HIBADH: variants seen among roughly 807,000 people sequenced by gnomAD.
HIBADH encodes 3-hydroxyisobutyrate dehydrogenase, mitochondrial.
In HIBADH, 25 loss-of-function variants were observed where a neutral mutation model predicts 36.1. The ratio of observed to expected loss-of-function variants is 0.69; its 90% CI spans 0.50 to 0.97. The LOEUF (loss-of-function observed/expected upper bound fraction) is 0.97, where lower values mean the gene tolerates loss of function less well. HIBADH is among the 50% of genes least tolerant of loss of function. The pLI, the probability that HIBADH is intolerant of heterozygous loss-of-function variation, is 0.00. For synonymous variants in HIBADH, 160 were observed against 149.5 expected, an observed-to-expected ratio of 1.07 and a Z score of -0.51; for missense variants, 421 against 418.0, an observed-to-expected ratio of 1.01 and a Z score of -0.06.
chr7:27,658,619 T>C (rs1445000536), intron 1 of HIBADH, among the ~76,000 whole-genome samples: 3 of 152,204 alleles, frequency 2.0e-5, no homozygotes, highest in Non-Finnish European at 4.4e-5. Context: ...TGCATTTTCA[T>C]TGTAGAAAAC....
intron 4 of HIBADH, 93 bp downstream of exon 4, chr7:27,629,278 A>G: frequency 2.4e-6 from 3 of 1,241,380 alleles, no homozygotes; most frequent in Non-Finnish European, 3.3e-6. Flanking sequence ...AAGTCTAAAA[A>G]TAACTACTAC....
intron 4 of HIBADH, among the ~76,000 whole-genome samples, chr7:27,588,756 A>C (rs1784899673): frequency 6.6e-6 from 1 of 152,186 alleles, no homozygotes; most frequent in African/African-American, 2.4e-5. Context: ...AGCAATCAAT[A>C]CTCTAAAAGC....
At chr7:27,545,920 A>T (rs1168716246) in intron 4 of HIBADH, among the ~76,000 whole-genome samples, 1 of 152,200 alleles carries the variant, frequency 6.6e-6, no homozygotes, top group Non-Finnish European at 1.5e-5. Context: ...GCTGATAAAT[A>T]GCATGGTAGA....
intron 6 of HIBADH, among the ~76,000 whole-genome samples, chr7:27,533,791 G>A (rs1000873776): frequency 2.0e-5 from 3 of 152,152 alleles, no homozygotes; most frequent in Non-Finnish European, 2.9e-5. Flanking sequence ...AAGTTTAATA[G>A]GAAGCAGCTA....
chr7:27,649,766 T>C, intron 1 of HIBADH, 133 bp from the exon 2 acceptor site: 1 of 727,134 alleles, frequency 1.4e-6, no homozygotes, highest in Non-Finnish European at 2.1e-6. Context: ...GGTGCAGTGG[T>C]GCACACCTAT....
intron 2 of HIBADH, among the ~76,000 whole-genome samples, chr7:27,642,740 CT>C (rs1562656087): frequency 1.4e-5 from 2 of 147,750 alleles, no homozygotes. Flanking sequence ...CAAGCTCCGC[CT>C]CCCGGGTTCA....
intron 4 of HIBADH, among the ~76,000 whole-genome samples, chr7:27,611,913 A>G (rs1257720030): frequency 6.6e-6 from 1 of 152,184 alleles, no homozygotes; most frequent in Non-Finnish European, 1.5e-5. Flanking sequence ...CTGCTTAAAT[A>G]TCACTTCCCC....
At chr7:27,646,473 CCA>C (rs1005251979) in intron 2 of HIBADH, among the ~76,000 whole-genome samples, 1 of 152,102 alleles carries the variant, frequency 6.6e-6, no homozygotes, top group African/African-American at 2.4e-5. Context: ...ATGCCTGAAA[CCA>C]CAGACAGTAC....
chr7:27,629,841 T>C (rs1223539654), intron 3 of HIBADH, among the ~76,000 whole-genome samples: 1 of 152,132 alleles, frequency 6.6e-6, no homozygotes, highest in Non-Finnish European at 1.5e-5. Flanking sequence ...TTTAAAAGGG[T>C]ATTAGATAGG....
chr7:27,541,659 T>C, intron 5 of HIBADH: 2 of 374,434 alleles, frequency 5.3e-6, no homozygotes, highest in South Asian at 4.1e-5. Context: ...TTTCTTGTAA[T>C]GTCATGACTT....
At chr7:27,563,826 C>T (rs1453872201) in intron 4 of HIBADH, among the ~76,000 whole-genome samples, 1 of 151,594 alleles carries the variant, frequency 6.6e-6, no homozygotes. Flanking sequence ...TAGTTTGCAA[C>T]ATTTCTCTTA....
intron 4 of HIBADH, among the ~76,000 whole-genome samples, chr7:27,564,537 A>C (rs1333236105): frequency 6.6e-6 from 1 of 152,210 alleles, no homozygotes; most frequent in Non-Finnish European, 1.5e-5. Context: ...TCTTTCACTA[A>C]TACCACATTT....
chr7:27,590,683 C>A (rs1319750652), intron 4 of HIBADH, among the ~76,000 whole-genome samples: 1 of 152,186 alleles, frequency 6.6e-6, no homozygotes, highest in African/African-American at 2.4e-5. Context: ...GTAAAGCATT[C>A]TGAAGGTATC....
chr7:27,651,000 G>C (rs1368402324), intron 1 of HIBADH, among the ~76,000 whole-genome samples: 1 of 152,156 alleles, frequency 6.6e-6, no homozygotes, highest in Non-Finnish European at 1.5e-5. Flanking sequence ...AGTCTAGTGA[G>C]GGAAAAGAGA....
intron 4 of HIBADH, among the ~76,000 whole-genome samples, chr7:27,574,605 G>T (rs1446947621): frequency 6.6e-6 from 1 of 152,024 alleles, no homozygotes; most frequent in African/African-American, 2.4e-5. Flanking sequence ...TATTATTGCT[G>T]CTCTAATAGA....
chr7:27,614,639 G>A (rs968550915), intron 4 of HIBADH, among the ~76,000 whole-genome samples: 1 of 152,142 alleles, frequency 6.6e-6, no homozygotes, highest in Non-Finnish European at 1.5e-5. Context: ...TACTATCATT[G>A]TTGCTATATA....
At chr7:27,620,057 A>G (rs1785509769) in intron 4 of HIBADH, among the ~76,000 whole-genome samples, 1 of 152,012 alleles carries the variant, frequency 6.6e-6, no homozygotes, top group Non-Finnish European at 1.5e-5. Flanking sequence ...ATGGTAGCTC[A>G]CTCCTGTAAT....
In HIBADH at chr7:27,526,109, C is replaced by T; in HGVS notation, c.*105G>A. On this transcript the variant is annotated 3_prime_UTR_variant, in exon 8 of 8. Coordinates refer to ENST00000265395, the MANE Select transcript of HIBADH (RefSeq NM_152740.4). Reference sequence around the variant, plus strand: ...TTACTGTGACCTAGACAATCAAAAGCAGATAGGTGACCTTTGATTAAATCC... The same window carrying T: ...TTACTGTGACCTAGACAATCAAAAGTAGATAGGTGACCTTTGATTAAATCC... 1 of 907,746 alleles carries T rather than the reference C, an allele frequency of 1.1e-6. No homozygotes were observed. The highest frequency in any genetic ancestry group is 1.6e-6 in the Non-Finnish European group (1 of 642,504). 56.2% of individuals were successfully genotyped at this position (907,746 alleles called of 1,614,324 possible).
intron 4 of HIBADH, among the ~76,000 whole-genome samples, chr7:27,619,610 A>G (rs1410017145): frequency 6.6e-6 from 1 of 152,168 alleles, no homozygotes; most frequent in Non-Finnish European, 1.5e-5. Flanking sequence ...CCGAAGAGAT[A>G]GATATCTTTA....
Sources: gnomAD v4.1 joint callset for allele counts (sites outside exome capture counted in the v4.1 genomes callset) on GRCh38, gnomAD v4.1.1 for gene constraint, MANE v1.5 for transcripts, NCBI Gene and HGNC (gene_info 2026-07-23, HGNC 2026-07-21) for gene names.